Variants in SYT2 observed in about 807,000 individuals in gnomAD.
The protein encoded by SYT2 is synaptotagmin-2.
In SYT2, 15 loss-of-function variants were observed where a neutral mutation model predicts 39.9. That is an observed-to-expected ratio of 0.38 (90% confidence interval 0.25 to 0.58). The LOEUF (loss-of-function observed/expected upper bound fraction) is 0.58. Ranked by LOEUF, SYT2 falls within the 20% of genes least tolerant of loss-of-function variation. The pLI is 0.70. For missense variants in SYT2, 389 were observed against 530.3 expected, an observed-to-expected ratio of 0.73 and a Z score of 2.62; for synonymous variants, 181 against 204.5, an observed-to-expected ratio of 0.89 and a Z score of 0.98.
intron 1 of SYT2, among the ~76,000 whole-genome samples, chr1:202,681,586 T>C (rs368472902): frequency 2.6e-5 from 4 of 152,214 alleles, no homozygotes; most frequent in African/African-American, 7.2e-5. Context: ...GGCAAAGGCA[T>C]GAGCTTGGCC....
At chr1:202,658,604 T>G (rs936836583) in intron 1 of SYT2, among the ~76,000 whole-genome samples, 1 of 151,560 alleles carries the variant, frequency 6.6e-6, no homozygotes, top group Non-Finnish European at 1.5e-5. Context: ...TGTGTGTGCC[T>G]CAGACAGCAG....
Position 202,604,442 on chromosome 1 carries a change from C to A in SYT2, c.345+13G>T. 1 of 1,613,380 alleles carries A rather than the reference C, an allele frequency of 6.2e-7. No individual in the cohort carries two copies. Among genetic ancestry groups the A allele is most frequent in the Non-Finnish European group, 8.5e-7 (1 of 1,179,376 alleles). The stretch of plus-strand genomic sequence containing the variant: ...AGCCCCTTCCAGTCCCCCTCACAAC[C>A]AATGTGCCCTACCTGACCCCCTTTC... On this transcript the variant is annotated intron_variant, in intron 3 of 8. Transcript: ENST00000367268.
chr1:202,684,028 A>G (rs1384553426), intron 1 of SYT2, among the ~76,000 whole-genome samples: 1 of 151,948 alleles, frequency 6.6e-6, no homozygotes, highest in Non-Finnish European at 1.5e-5. Flanking sequence ...TATAATACAT[A>G]TTTTACTGAA....
intron 1 of SYT2, among the ~76,000 whole-genome samples, chr1:202,612,052 T>A (rs1329923663): frequency 6.6e-6 from 1 of 152,194 alleles, no homozygotes; most frequent in Non-Finnish European, 1.5e-5. Flanking sequence ...GGTTCCACTA[T>A]GTTTCTACAA....
chr1:202,609,139 G>C (rs1274141016), intron 1 of SYT2, among the ~76,000 whole-genome samples: 1 of 147,750 alleles, frequency 6.8e-6, no homozygotes, highest in African/African-American at 2.5e-5. Flanking sequence ...TTGGTTTTTT[G>C]TCCTTGCGAT....
At position 202,604,512 on chromosome 1, in the gene SYT2, C is replaced by A; in HGVS notation, c.288G>T (p.Lys96Asn). ...KCCCKKKKNK[K>N]EKGKGMKNAM... ...CATTCTTCATGCCTTTGCCCTTCTC[C>A]TTCTTGTTCTTCTTCTTCTTGCAGC... Residue 96 changes from lysine to asparagine, a missense_variant, in exon 3 of 9, where the codon AAG becomes AAT. This residue lies in a region of SYT2 where 280 missense variants were observed against 335.6 expected (regional missense o/e 0.83). Coordinates refer to ENST00000367268, the MANE Select transcript of SYT2 (RefSeq NM_177402.5). The A allele has an allele frequency of 1.2e-6, 2 of 1,614,204 alleles. No individual in the cohort carries two copies. The highest frequency in any genetic ancestry group is 4.5e-5 in the East Asian group (2 of 44,884).
intron 1 of SYT2, among the ~76,000 whole-genome samples, chr1:202,647,715 T>A (rs1164302150): frequency 6.6e-6 from 1 of 152,126 alleles, no homozygotes; most frequent in Non-Finnish European, 1.5e-5. Context: ...TCTCAGTTAT[T>A]CCCTTCCAGA....
chr1:202,681,311 G>A (rs1345554119), intron 1 of SYT2, among the ~76,000 whole-genome samples: 1 of 152,204 alleles, frequency 6.6e-6, no homozygotes, highest in Non-Finnish European at 1.5e-5. Flanking sequence ...GAGTTAAAGG[G>A]AAGAGTCCTG....
chr1:202,684,880 AC>A (rs1047464766), intron 1 of SYT2, among the ~76,000 whole-genome samples: 1 of 151,706 alleles, frequency 6.6e-6, no homozygotes, highest in African/African-American at 2.4e-5. Flanking sequence ...CTGACACCCA[AC>A]CCCCCTCTCT....
rs1690573716 is a variant in SYT2, at chr1:202,603,080, T to C, written c.384A>G (p.Glu128=). Reference sequence around the variant, plus strand: ...GCTCTTTCTCCTCCTCCCCTTCACCTTCCCCCTCAGTCAGGCCTGTCTCTG... The same window carrying C: ...GCTCTTTCTCCTCCTCCCCTTCACCCTCCCCCTCAGTCAGGCCTGTCTCTG... ...DDAETGLTEG[E]GEGEEEKEPE... The change falls in exon 4 of 9, where the codon GAA becomes GAG. Residue 128 remains glutamate, a synonymous_variant. Transcript: ENST00000367268. 3.7e-6 allele frequency: 6 copies of C among 1,613,840 alleles called. No individual in the cohort carries two copies. In the South Asian group the frequency reaches 6.6e-5, roughly 18 times the overall value.
chr1:202,661,253 AC>A, intron 1 of SYT2, among the ~76,000 whole-genome samples: 1 of 151,906 alleles, frequency 6.6e-6, no homozygotes, highest in South Asian at 2.1e-4. Context: ...GCCCCTGGGA[AC>A]CCTCAGTTCC....
intron 1 of SYT2, among the ~76,000 whole-genome samples, chr1:202,683,916 T>C (rs1039769296): frequency 9.2e-5 from 14 of 152,130 alleles, no homozygotes; most frequent in Non-Finnish European, 1.6e-4. Flanking sequence ...GGCTGAAGGT[T>C]ACCCAGGTGT....
At chr1:202,658,097 C>T (rs1396540096) in intron 1 of SYT2, among the ~76,000 whole-genome samples, 3 of 152,060 alleles carry the variant, frequency 2.0e-5, no homozygotes, top group Non-Finnish European at 4.4e-5. Context: ...TCTCAGGTTC[C>T]TTATTAATAA....
chr1:202,686,351 T>C (rs1187350851), intron 1 of SYT2, among the ~76,000 whole-genome samples: 1 of 152,230 alleles, frequency 6.6e-6, no homozygotes, highest in Non-Finnish European at 1.5e-5. Context: ...GTTAACACTT[T>C]GGTCCAGGAG....
intron 1 of SYT2, among the ~76,000 whole-genome samples, chr1:202,634,485 C>T (rs1196381554): frequency 6.6e-6 from 1 of 151,200 alleles, no homozygotes. Context: ...AAGAGTGAAA[C>T]TCCATCTCAA....
chr1:202,616,882 C>A (rs1196450713), intron 1 of SYT2, among the ~76,000 whole-genome samples: 1 of 152,220 alleles, frequency 6.6e-6, no homozygotes, highest in Non-Finnish European at 1.5e-5. Flanking sequence ...GCTCCAGGCC[C>A]ACAGGTCAAC....
intron 1 of SYT2, among the ~76,000 whole-genome samples, chr1:202,647,427 C>T (rs549673562): frequency 4.7e-4 from 71 of 152,220 alleles, no homozygotes; most frequent in Non-Finnish European, 8.2e-4. Context: ...GCGATCTAGG[C>T]CTTAGTGAAG....
intron 1 of SYT2, among the ~76,000 whole-genome samples, chr1:202,642,950 C>T (rs1383405063): frequency 6.6e-6 from 1 of 152,250 alleles, no homozygotes; most frequent in Admixed American, 6.5e-5. Flanking sequence ...GCCTTCTCTC[C>T]GCTTTGGACC....
intron 1 of SYT2, among the ~76,000 whole-genome samples, chr1:202,684,770 C>T (rs1215876348): frequency 6.6e-6 from 1 of 152,166 alleles, no homozygotes; most frequent in East Asian, 1.9e-4. Context: ...CCATGTCACT[C>T]AGCATGTTGT....
Sources: allele counts gnomAD v4.1 joint callset (sites outside exome capture counted in the v4.1 genomes callset), GRCh38; gene constraint gnomAD v4.1.1; regional missense constraint gnomAD v4.1.1; transcripts MANE v1.5; gene names NCBI Gene and HGNC (gene_info 2026-07-23, HGNC 2026-07-21).